ARHGEF37: variants seen among roughly 807,000 people sequenced by gnomAD.
ARHGEF37 encodes the protein Rho guanine nucleotide exchange factor 37, also known as Rho guanine nucleotide exchange factor (GEF) 37.
In ARHGEF37, 55 loss-of-function variants were observed where a neutral mutation model predicts 71.1. That is an observed-to-expected ratio of 0.77 (90% CI 0.62 to 0.97). ARHGEF37 has a LOEUF of 0.97. ARHGEF37 is among the 50% of genes least tolerant of loss of function. The pLI, the probability that ARHGEF37 is intolerant of heterozygous loss-of-function variation, is 0.00. For missense variants in ARHGEF37, 765 were observed against 836.8 expected (o/e 0.91, Z 1.06); for synonymous variants, 327 against 350.6 (o/e 0.93, Z 0.75).
chr5:149,557,535 A>G (rs1762771057), intron 1 of ARHGEF37, among the ~76,000 whole-genome samples: 1 of 152,122 alleles, frequency 6.6e-6, no homozygotes, highest in Non-Finnish European at 1.5e-5. Context: ...GCTGGAGTGC[A>G]GTAGTGTGAT....
chr5:149,629,098 A>G (rs1752798683), intron 12 of ARHGEF37, 132 bp downstream of exon 12: 1 of 1,186,472 alleles, frequency 8.4e-7, no homozygotes, highest in African/African-American at 1.5e-5. Flanking sequence ...CAAGGCCTTG[A>G]TCAATGGCCA....
Position 149,627,112 on chromosome 5 carries a change from C to T in ARHGEF37, c.1501C>T (p.Leu501Phe), listed in dbSNP as rs1381484396. The change falls in exon 11 of 13, where the codon CTC becomes TTC. Residue 501 changes from leucine to phenylalanine, a missense_variant. Physicochemically the swap from Leu to Phe is conservative, Grantham distance 22 (BLOSUM62 0). Transcript: ENST00000333677. Reference sequence around the variant, plus strand: ...AGGGTCTGAACGCCAGGTGCAGGCTCTCCTGAGCAGGTATGGCCCTGGGAA... The same window carrying T: ...AGGGTCTGAACGCCAGGTGCAGGCTTTCCTGAGCAGGTATGGCCCTGGGAA... Reference protein sequence around the residue: ...LPGSERQVQALLSRYGPGKLY... With the variant: ...LPGSERQVQAFLSRYGPGKLY... 1 of 1,614,132 alleles carries T rather than the reference C, an allele frequency of 6.2e-7. No individual in the cohort carries two copies. The highest frequency in any genetic ancestry group is 1.3e-5 in the African/African-American group (1 of 75,072).
At chr5:149,612,835 A>G (rs1311972582) in intron 4 of ARHGEF37, among the ~76,000 whole-genome samples, 1 of 152,250 alleles carries the variant, frequency 6.6e-6, no homozygotes, top group Non-Finnish European at 1.5e-5. Context: ...GTCTGCTATG[A>G]TAGATGGCAC....
chr5:149,623,303 C>A (rs1446927360), intron 9 of ARHGEF37, among the ~76,000 whole-genome samples: 1 of 152,132 alleles, frequency 6.6e-6, no homozygotes, highest in Non-Finnish European at 1.5e-5. Context: ...CTGCAGGAAT[C>A]CATGAATGTG....
chr5:149,618,415 G>A lies in ARHGEF37; in HGVS notation c.789+109G>A. ...CTCCTTTCAGAACTGAGGCAATGGAGGCTGAGAGATTGAGGTGCTGGGAAG... is the reference window on the plus strand; with the variant it reads ...CTCCTTTCAGAACTGAGGCAATGGAAGCTGAGAGATTGAGGTGCTGGGAAG... On this transcript the variant is annotated intron_variant, in intron 6 of 12. Coordinates refer to ENST00000333677, the MANE Select transcript of ARHGEF37 (RefSeq NM_001001669.3). The A allele has an allele frequency of 3.3e-6, 5 of 1,495,178 alleles. No homozygotes were observed. The South Asian group carries it at 5.2e-5, about 16-fold the overall frequency. 92.6% of individuals were successfully genotyped at this position (1,495,178 alleles called of 1,614,324 possible). A position where few individuals can be genotyped will look rare whatever the true frequency, so the allele number is the denominator to read the frequency against.
intron 1 of ARHGEF37, among the ~76,000 whole-genome samples, chr5:149,574,592 A>T (rs1204089679): frequency 6.6e-6 from 1 of 152,184 alleles, no homozygotes; most frequent in African/African-American, 2.4e-5. Context: ...GGCTTCATGT[A>T]CAACGGATAT....
At chr5:149,564,724 T>C (rs966581320) in intron 1 of ARHGEF37, among the ~76,000 whole-genome samples, 3 of 152,082 alleles carry the variant, frequency 2.0e-5, no homozygotes, top group African/African-American at 7.2e-5. Flanking sequence ...CTCAAGAGGC[T>C]GAAGCAGGAG....
chr5:149,615,504 T>G (rs921194014), intron 4 of ARHGEF37, among the ~76,000 whole-genome samples: 1 of 152,192 alleles, frequency 6.6e-6, no homozygotes, highest in East Asian at 1.9e-4. Context: ...TTATCTATTT[T>G]TATGCTAATT....
At chr5:149,601,900 T>G (rs1173430708) in intron 3 of ARHGEF37, among the ~76,000 whole-genome samples, 1 of 152,040 alleles carries the variant, frequency 6.6e-6, no homozygotes, top group African/African-American at 2.4e-5. Context: ...GAGGGGAGAC[T>G]GTTGGGGATA....
At chr5:149,561,897 CCT>C (rs746656664) in intron 1 of ARHGEF37, among the ~76,000 whole-genome samples, 9 of 152,020 alleles carry the variant, frequency 5.9e-5, no homozygotes, top group East Asian at 1.9e-4. Context: ...TTTCTCAGCC[CCT>C]GTTCTCTTCC....
At chr5:149,596,328 G>A (rs1763544131) in intron 1 of ARHGEF37, among the ~76,000 whole-genome samples, 1 of 152,096 alleles carries the variant, frequency 6.6e-6, no homozygotes, top group South Asian at 2.1e-4. Context: ...ATTTTGAGAT[G>A]GAGTCTTGCT....
chr5:149,601,606 GT>G (rs1461107326), intron 3 of ARHGEF37, among the ~76,000 whole-genome samples: 1 of 152,200 alleles, frequency 6.6e-6, no homozygotes, highest in Non-Finnish European at 1.5e-5. Context: ...TTCTCATGGG[GT>G]TGACAAGTTA....
rs1162189296 is a variant in ARHGEF37 at position 149,558,729 on chromosome 5, GTGTGTGTGTATATA to G, written c.-12+6608_-12+6621del. ...TGTGTGTGTGTGTGTGTGTGTGTGT[GTGTGTGTGTATATA>G]TATTTTTATATGTATAAAATATTTA... On this transcript the variant is annotated intron_variant, in intron 1 of 2. Coordinates refer to the ARHGEF37 transcript ENST00000505810. Among the ~76,000 whole-genome samples the G allele has an allele frequency of 2.9e-4, 25 of 85,288 alleles. 1 individual carries two copies. The highest frequency in any genetic ancestry group is 1.2e-3 in the East Asian group (3 of 2,584). The allele number at this position is 85,288 out of a possible 152,430, so 56.0% of individuals were successfully genotyped here.
intron 1 of ARHGEF37, among the ~76,000 whole-genome samples, chr5:149,560,333 C>G (rs777353909): frequency 6.6e-6 from 1 of 152,072 alleles, no homozygotes; most frequent in Non-Finnish European, 1.5e-5. Flanking sequence ...AGGCTGGTCT[C>G]GAACTCCCGA....
chr5:149,572,721 C>T (rs1762982346), intron 1 of ARHGEF37, among the ~76,000 whole-genome samples: 1 of 152,116 alleles, frequency 6.6e-6, no homozygotes, highest in Non-Finnish European at 1.5e-5. Context: ...AGGCCTTATC[C>T]AATCAGTTAA....
At chr5:149,596,986 G>A (rs1364814622) in intron 1 of ARHGEF37, among the ~76,000 whole-genome samples, 3 of 152,150 alleles carry the variant, frequency 2.0e-5, no homozygotes, top group African/African-American at 7.2e-5. Flanking sequence ...AATGTGTCCA[G>A]AAAGAATGGG....
intron 4 of ARHGEF37, among the ~76,000 whole-genome samples, chr5:149,612,343 A>G (rs963447446): frequency 1.3e-5 from 2 of 151,956 alleles, no homozygotes; most frequent in African/African-American, 2.4e-5. Flanking sequence ...AATTTTTTGT[A>G]TTTTTAGTAG....
intron 1 of ARHGEF37, among the ~76,000 whole-genome samples, chr5:149,575,733 G>A (rs1170327794): frequency 7.1e-6 from 1 of 140,564 alleles, no homozygotes; most frequent in Non-Finnish European, 1.5e-5. Context: ...CCAGGCTGGA[G>A]TGCAGTGACG....
chr5:149,624,096 T>C lies in ARHGEF37; in HGVS notation c.1420T>C (p.Phe474Leu). The C allele has an allele frequency of 1.2e-6, 2 of 1,611,830 alleles. No individual in the cohort carries two copies. The highest frequency in any genetic ancestry group is 1.7e-6 in the Non-Finnish European group (2 of 1,178,094). The part of the protein sequence containing the change: ...LGRTSNQLRS[F>L]QETFEKVQPP... Reference sequence around the variant, plus strand: ...CCGGACGAGTAACCAGCTTCGCTCCTTTCAAGAGACCTTTGAGAAAGTGCA... The same window carrying C: ...CCGGACGAGTAACCAGCTTCGCTCCCTTCAAGAGACCTTTGAGAAAGTGCA... Residue 474 changes from phenylalanine to leucine, a missense_variant, in exon 10 of 13, where the codon TTT becomes CTT. Physicochemically the swap from Phe to Leu is conservative, Grantham distance 22 (BLOSUM62 0). This residue lies in a region of ARHGEF37 where 390 missense variants were observed against 407.4 expected (regional missense o/e 0.96). Coordinates refer to ENST00000333677, the MANE Select transcript of ARHGEF37 (RefSeq NM_001001669.3).
Sources: gnomAD v4.1 joint callset for allele counts (sites outside exome capture counted in the v4.1 genomes callset) on GRCh38, gnomAD v4.1.1 for gene constraint, gnomAD v4.1.1 regional missense constraint, MANE v1.5 for transcripts, NCBI Gene and HGNC (gene_info 2026-07-23, HGNC 2026-07-21) for gene names.